USP9X: variants seen among roughly 807,000 people sequenced by gnomAD.
USP9X encodes ubiquitin specific peptidase 9 X-linked, also known as ubiquitin carboxyl-terminal hydrolase 9X.
A neutral mutation model predicts 190.3 loss-of-function variants in USP9X; 7 were observed. The observed-to-expected ratio is 0.04, with a 90% CI of 0.02 to 0.07. The LOEUF is 0.07. Ranked by LOEUF, USP9X falls within the 10% of genes least tolerant of loss-of-function variation. The pLI, the probability that USP9X is intolerant of heterozygous loss-of-function variation, is 1.00. For synonymous variants in USP9X, 645 were observed against 659.5 expected, an observed-to-expected ratio of 0.98 and a Z score of 0.34; for missense variants, 1,010 against 1,916.9, an observed-to-expected ratio of 0.53 and a Z score of 8.83.
At chrX:41,152,006 AC>A (rs895064377) in intron 13 of USP9X, among the ~76,000 whole-genome samples, 2 of 111,520 alleles carry the variant, frequency 1.8e-5, no homozygotes, top group African/African-American at 6.5e-5. Context: ...AAACCAAAAA[AC>A]ATGTTTTCTT....
intron 39 of USP9X, 97 bp from the exon 40 acceptor site, chrX:41,224,644 TA>T: frequency 1.2e-4 from 93 of 800,543 alleles, no homozygotes; most frequent in Middle Eastern, 4.6e-4. Context: ...TTAAAAAAAA[TA>T]AAAAAAAATT....
chrX:41,171,762 GAGA>G, intron 20 of USP9X, 73 bp from the exon 21 acceptor site: 1 of 1,110,349 alleles, frequency 9.0e-7, no homozygotes. Flanking sequence ...GATTAACACA[GAGA>G]AACTTACTTG....
At position 41,232,813 on chromosome X, in the gene USP9X, TCTTG is replaced by T; in HGVS notation, c.*290_*293del. 1 of 132,588 alleles carries T rather than the reference TCTTG, an allele frequency of 7.5e-6. No individual in the cohort carries two copies. The highest frequency in any genetic ancestry group is 1.5e-5 in the Non-Finnish European group (1 of 68,634). The allele number at this position is 132,588 out of a possible 1,213,427, so 10.9% of individuals were successfully genotyped here. On this transcript the variant is annotated 3_prime_UTR_variant, in exon 45 of 45. Transcript: ENST00000378308. ...TTAATTCTTAAGCAAGAAACTTTTT[TCTTG>T]ATGAGACTCACAGATCTACACAAAC...
intron 14 of USP9X, among the ~76,000 whole-genome samples, chrX:41,154,917 A>G (rs1277435158): frequency 2.7e-5 from 3 of 111,839 alleles, no homozygotes; most frequent in Non-Finnish European, 5.6e-5. Flanking sequence ...AATAATTTTT[A>G]AAACCAGTAA....
At chrX:41,149,196 GGT>G (rs1005020662) in intron 12 of USP9X, among the ~76,000 whole-genome samples, 2 of 111,691 alleles carry the variant, frequency 1.8e-5, no homozygotes, top group African/African-American at 6.5e-5. Flanking sequence ...GTGACAGTTC[GGT>G]AAGTATTTAT....
chrX:41,130,750 G>A (rs770424161), intron 3 of USP9X, among the ~76,000 whole-genome samples: 2 of 105,328 alleles, frequency 1.9e-5, no homozygotes, highest in Non-Finnish European at 3.9e-5. Flanking sequence ...TTTTGAGACG[G>A]TGTCTCACTC....
chrX:41,197,663 A>AAATACAGTT (rs1215502716), intron 29 of USP9X, among the ~76,000 whole-genome samples, 153 bp downstream of exon 29: 1 of 111,405 alleles, frequency 9.0e-6, no homozygotes, highest in Non-Finnish European at 1.9e-5. Flanking sequence ...GTAATTTAAG[A>AAATACAGTT]AATACAGTTA....
chrX:41,098,591 TC>T (rs2062010196), intron 1 of USP9X, among the ~76,000 whole-genome samples: 1 of 110,993 alleles, frequency 9.0e-6, no homozygotes, highest in Non-Finnish European at 1.9e-5. Flanking sequence ...GGAGTCTTGC[TC>T]TGTTGCCCAG....
At chrX:41,204,270 G>A (rs2063070136) in intron 31 of USP9X, among the ~76,000 whole-genome samples, 1 of 111,752 alleles carries the variant, frequency 8.9e-6, no homozygotes, top group African/African-American at 3.3e-5. Context: ...GTGTTGTTGA[G>A]TTTTAAGAGT....
chrX:41,149,053 A>G (rs756772761), intron 12 of USP9X, among the ~76,000 whole-genome samples: 2 of 112,081 alleles, frequency 1.8e-5, no homozygotes, highest in South Asian at 3.7e-4. Context: ...TAAAGTGAAC[A>G]TTGCTGAGTA....
At chrX:41,226,727 A>AGT (rs2063317159) in intron 41 of USP9X, among the ~76,000 whole-genome samples, 1 of 112,534 alleles carries the variant, frequency 8.9e-6, no homozygotes, top group Non-Finnish European at 1.9e-5. Flanking sequence ...TTATTCAGGC[A>AGT]GTATTCAGTG....
intron 2 of USP9X, among the ~76,000 whole-genome samples, chrX:41,125,703 C>CTCTCTG (rs2062239424): frequency 9.7e-6 from 1 of 103,195 alleles, no homozygotes; most frequent in Non-Finnish European, 2.0e-5. Context: ...CTCTCTCTCT[C>CTCTCTG]TCTCTCTCTC....
At chrX:41,142,155 A>G (rs1431340812) in intron 9 of USP9X, among the ~76,000 whole-genome samples, 1 of 111,220 alleles carries the variant, frequency 9.0e-6, no homozygotes, top group Non-Finnish European at 1.9e-5. Flanking sequence ...TTAGGGGGTC[A>G]GGTGGTAGAC....
intron 6 of USP9X, among the ~76,000 whole-genome samples, chrX:41,138,692 C>T (rs961475748): frequency 2.7e-5 from 3 of 112,052 alleles, no homozygotes; most frequent in African/African-American, 9.7e-5. Flanking sequence ...CCCATCTTCC[C>T]CCAAGATGTT....
intron 1 of USP9X, among the ~76,000 whole-genome samples, chrX:41,112,902 C>T: frequency 8.9e-6 from 1 of 112,554 alleles, no homozygotes; most frequent in Non-Finnish European, 1.9e-5. Flanking sequence ...CAAAAGAATC[C>T]TTGAAGTCCA....
chrX:41,139,341 A>G (rs1325009042), intron 6 of USP9X, among the ~76,000 whole-genome samples: 1 of 112,196 alleles, frequency 8.9e-6, no homozygotes, highest in Non-Finnish European at 1.9e-5. Context: ...AACTTAGTTC[A>G]TTCATATTCT....
At chrX:41,136,721 G>C (rs1009675953) in intron 5 of USP9X, 83 bp from the exon 6 acceptor site, 1 of 665,765 alleles carries the variant, frequency 1.5e-6, no homozygotes, top group African/African-American at 2.2e-5. Context: ...TATTTGTTAG[G>C]ATACGATTAA....
chrX:41,123,425 T>C, intron 1 of USP9X, 46 bp from the exon 2 acceptor site: 1 of 403,701 alleles, frequency 2.5e-6, no homozygotes, highest in Non-Finnish European at 4.4e-6. Context: ...ATAATTCATG[T>C]TTTTTATATC....
intron 1 of USP9X, among the ~76,000 whole-genome samples, chrX:41,102,614 C>T (rs960228091): frequency 1.4e-4 from 15 of 110,965 alleles, no homozygotes; most frequent in African/African-American, 4.6e-4. Flanking sequence ...CAGAACGAGA[C>T]TGTCTCAAAA....
Sources: gnomAD v4.1 joint callset for allele counts (sites outside exome capture counted in the v4.1 genomes callset) on GRCh38, gnomAD v4.1.1 for gene constraint, MANE v1.5 for transcripts, NCBI Gene and HGNC (gene_info 2026-07-23, HGNC 2026-07-21) for gene names.